Variants in PDGFD observed in about 807,000 individuals in gnomAD.
The protein encoded by PDGFD is platelet-derived growth factor D.
In PDGFD, 30 loss-of-function variants were observed where a neutral mutation model predicts 44.7. The observed-to-expected ratio is 0.67, with a 90% confidence interval of 0.50 to 0.91. PDGFD has a LOEUF of 0.91. PDGFD is among the 40% of genes least tolerant of loss of function. PDGFD has a pLI of 0.00. For missense variants in PDGFD, 445 were observed against 457.8 expected, an observed-to-expected ratio of 0.97 and a Z score of 0.25; for synonymous variants, 173 against 168.4, an observed-to-expected ratio of 1.03 and a Z score of -0.21.
chr11:103,963,380 T>C (rs918780783), intron 3 of PDGFD, among the ~76,000 whole-genome samples: 4 of 152,028 alleles, frequency 2.6e-5, no homozygotes, highest in Non-Finnish European at 5.9e-5. Flanking sequence ...AAAGAGGAGA[T>C]TTTTCAGGTT....
In PDGFD at chr11:103,962,749, T is replaced by C. The variant is rs1032847081; in HGVS notation, c.511-15025A>G. 2.0e-5 allele frequency among the ~76,000 whole-genome samples: 3 copies of C among 152,294 alleles called. No homozygotes were observed. The East Asian group carries it at 5.8e-4, about 29-fold the overall frequency. On this transcript the variant is annotated intron_variant, in intron 3 of 6. Coordinates refer to ENST00000393158, the MANE Select transcript of PDGFD (RefSeq NM_025208.5). ...AAGCCTCTATGCTTTAGATTCCTGA[T>C]TGTAAACTGGGAAAAATATCTTCTT... is the stretch of plus-strand genomic sequence containing the variant.
At chr11:104,074,830 G>C (rs1169357444) in intron 1 of PDGFD, among the ~76,000 whole-genome samples, 1 of 152,192 alleles carries the variant, frequency 6.6e-6, no homozygotes, top group Non-Finnish European at 1.5e-5. Flanking sequence ...CTGATTGCCT[G>C]GGAGGGAGCA....
chr11:104,158,671 A>G (rs890548133), intron 1 of PDGFD, among the ~76,000 whole-genome samples: 1 of 151,512 alleles, frequency 6.6e-6, no homozygotes, highest in African/African-American at 2.4e-5. Context: ...TCTCTACTAA[A>G]AACACAAAAA....
chr11:104,084,702 ATAAT>A lies in PDGFD; in HGVS notation c.124+79098_124+79101del, dbSNP rs1483110449. On this transcript the variant is annotated intron_variant, in intron 1 of 6. Coordinates refer to ENST00000393158, the MANE Select transcript of PDGFD (RefSeq NM_025208.5). ...AAATAATTATATAGTGTATAATTTT[ATAAT>A]TAATAAAGTATACATATATAATACA... Among the ~76,000 whole-genome samples the A allele has an allele frequency of 2.9e-5, 4 of 136,676 alleles. No homozygotes were observed. In the East Asian group the frequency reaches 7.9e-4, roughly 27 times the overall value. 89.7% of individuals were successfully genotyped at this position (136,676 alleles called of 152,430 possible).
intron 4 of PDGFD, among the ~76,000 whole-genome samples, chr11:103,946,893 A>G (rs1324756367): frequency 6.6e-6 from 1 of 152,204 alleles, no homozygotes; most frequent in African/African-American, 2.4e-5. Flanking sequence ...AGAGCAAAAG[A>G]TAACATACCA....
At chr11:103,949,634 A>G (rs1480518454) in intron 3 of PDGFD, among the ~76,000 whole-genome samples, 2 of 152,230 alleles carry the variant, frequency 1.3e-5, no homozygotes, top group African/African-American at 4.8e-5. Flanking sequence ...ATCACCTGCT[A>G]TTAATACTTT....
chr11:103,932,384 G>A (rs2134314715), intron 5 of PDGFD, among the ~76,000 whole-genome samples: 1 of 152,196 alleles, frequency 6.6e-6, no homozygotes, highest in South Asian at 2.1e-4. Flanking sequence ...ACATGTTTAA[G>A]GTAGGCTAGG....
intron 1 of PDGFD, among the ~76,000 whole-genome samples, chr11:104,157,652 C>T (rs1862326676): frequency 6.6e-6 from 1 of 152,186 alleles, no homozygotes; most frequent in Non-Finnish European, 1.5e-5. Context: ...CAGTAATCAT[C>T]CCTGAACTCC....
rs1394834057 is a variant in PDGFD, at chr11:103,929,283, G to A, written c.773-2157C>T. ...AGCAGAATAGAGGGATGGTCAGTAA[G>A]CCATTAGTTGAAGGAAGAAGACCAG... On this transcript the variant is annotated intron_variant, in intron 5 of 6. Transcript: ENST00000393158. Among the ~76,000 whole-genome samples the A allele has an allele frequency of 2.0e-5, 3 of 152,146 alleles. No homozygotes were observed. In the East Asian group the frequency reaches 5.8e-4, roughly 29 times the overall value.
At chr11:103,918,960 C>G (rs989934375) in intron 6 of PDGFD, among the ~76,000 whole-genome samples, 2 of 152,162 alleles carry the variant, frequency 1.3e-5, no homozygotes, top group African/African-American at 4.8e-5. Context: ...CTGAAGGGCA[C>G]TTGTTAATAG....
intron 3 of PDGFD, among the ~76,000 whole-genome samples, chr11:103,956,364 C>A (rs1156458005): frequency 6.7e-6 from 1 of 150,150 alleles, no homozygotes; most frequent in Non-Finnish European, 1.5e-5. Context: ...TTTCCAATTT[C>A]ATCCATGTCC....
At chr11:104,028,176 C>T (rs1358120123) in intron 1 of PDGFD, among the ~76,000 whole-genome samples, 4 of 125,980 alleles carry the variant, frequency 3.2e-5, no homozygotes, top group Non-Finnish European at 1.6e-5. Flanking sequence ...GGCAACAGAG[C>T]GAGACTCCGT....
At chr11:104,059,155 CATCTAAACAAATTTCA>C (rs1860669310) in intron 1 of PDGFD, among the ~76,000 whole-genome samples, 3 of 130,304 alleles carry the variant, frequency 2.3e-5, no homozygotes, top group African/African-American at 8.6e-5. Flanking sequence ...TCAATAAATC[CATCTAAACAAATTTCA>C]ATGGCAAAAA....
At chr11:103,936,388 T>C (rs1858487736) in intron 5 of PDGFD, among the ~76,000 whole-genome samples, 1 of 152,206 alleles carries the variant, frequency 6.6e-6, no homozygotes, top group Non-Finnish European at 1.5e-5. Context: ...ATTTCCTACA[T>C]TTGAAATCAT....
At chr11:104,134,077 A>T (rs1327440891) in intron 1 of PDGFD, among the ~76,000 whole-genome samples, 1 of 152,214 alleles carries the variant, frequency 6.6e-6, no homozygotes, top group Non-Finnish European at 1.5e-5. Flanking sequence ...TAAAGTAGGA[A>T]GCATGAAAAT....
chr11:104,019,310 A>G (rs562321260), intron 1 of PDGFD, among the ~76,000 whole-genome samples: 3 of 152,166 alleles, frequency 2.0e-5, no homozygotes, highest in African/African-American at 4.8e-5. Flanking sequence ...TCAAATGTAT[A>G]AAATGCATTC....
chr11:104,140,909 G>A (rs1862075254), intron 1 of PDGFD, among the ~76,000 whole-genome samples: 1 of 152,148 alleles, frequency 6.6e-6, no homozygotes, highest in African/African-American at 2.4e-5. Context: ...CTATATGTAA[G>A]CTTTTGTGAG....
At chr11:103,935,709 C>A (rs778794542) in intron 5 of PDGFD, among the ~76,000 whole-genome samples, 1 of 152,162 alleles carries the variant, frequency 6.6e-6, no homozygotes, top group African/African-American at 2.4e-5. Flanking sequence ...ATAGAAATAT[C>A]TTGGTTCTGT....
chr11:103,968,618 A>G (rs181914013), intron 3 of PDGFD, among the ~76,000 whole-genome samples: 3 of 152,294 alleles, frequency 2.0e-5, no homozygotes, highest in East Asian at 3.9e-4. Context: ...CTATGCTTCA[A>G]TTCAAGGGTT....
Sources: gnomAD v4.1 joint callset for allele counts (sites outside exome capture counted in the v4.1 genomes callset) on GRCh38, gnomAD v4.1.1 for gene constraint, MANE v1.5 for transcripts, NCBI Gene and HGNC (gene_info 2026-07-23, HGNC 2026-07-21) for gene names.